PCDH11Y: variants seen among roughly 807,000 people sequenced by gnomAD.
PCDH11Y encodes the protein protocadherin 11 Y-linked.
For synonymous variants in PCDH11Y, 9 were observed against 83.6 expected (o/e 0.11, Z 4.87); for missense variants, 12 against 224.8 (o/e 0.05, Z 6.05).
chrY:5,209,622 G>C, intron 2 of PCDH11Y, among the ~76,000 whole-genome samples: 1 of 33,424 alleles, frequency 3.0e-5, no homozygotes, highest in Non-Finnish European at 7.4e-5. Context: ...TTCCTCTAAG[G>C]ATTGCTTTCC....
intron 2 of PCDH11Y, among the ~76,000 whole-genome samples, chrY:5,292,121 A>C: frequency 6.1e-5 from 2 of 32,608 alleles, no homozygotes; most frequent in Non-Finnish European, 1.5e-4. Flanking sequence ...TGAATGCTCT[A>C]TTTAATATAT....
chrY:5,425,882 T>G (rs954495635), intron 2 of PCDH11Y, among the ~76,000 whole-genome samples: 2,855 of 32,958 alleles, frequency 0.087, no homozygotes, highest in East Asian at 0.062. Context: ...TTTGCATTTT[T>G]TTTTTCCACA....
intron 2 of PCDH11Y, among the ~76,000 whole-genome samples, chrY:5,217,690 G>A (rs2052948155): frequency 3.0e-5 from 1 of 33,642 alleles, no homozygotes; most frequent in African/African-American, 1.2e-4. Flanking sequence ...GATAGCATTG[G>A]CCACACAGGT....
intron 1 of PCDH11Y, among the ~76,000 whole-genome samples, chrY:5,086,987 T>C: frequency 3.0e-5 from 1 of 33,458 alleles, no homozygotes; most frequent in Admixed American, 2.7e-4. Context: ...CATTTCAGGG[T>C]AACAAGGTCT....
intron 2 of PCDH11Y, among the ~76,000 whole-genome samples, chrY:5,356,165 C>T (rs2053165797): frequency 3.0e-5 from 1 of 33,475 alleles, no homozygotes; most frequent in Non-Finnish European, 7.4e-5. Flanking sequence ...TTTATCTCCA[C>T]ACCAACTCAA....
In PCDH11Y at chrY:5,471,534, T is replaced by C. The variant is rs1602930294; in HGVS notation, c.3130-29523T>C. 9.1e-5 allele frequency among the ~76,000 whole-genome samples: 3 copies of C among 32,839 alleles called. No homozygotes were observed. In the East Asian group the frequency reaches 2.4e-3, roughly 27 times the overall value. The allele number at this position is 32,839 out of a possible 37,273, so 88.1% of individuals were successfully genotyped here. The stretch of plus-strand genomic sequence containing the variant: ...AATTAATCTCTCCATCAAGTTTTAC[T>C]GTTAGCATCCTTATTTTCTCACTCT... On this transcript the variant is annotated intron_variant, in intron 2 of 4. Coordinates refer to the PCDH11Y transcript ENST00000400457.
At chrY:5,107,928 G>A (rs1249665348), downstream of PCDH11Y, among the ~76,000 whole-genome samples, 3 of 31,317 alleles carry the variant, frequency 9.6e-5, no homozygotes, top group African/African-American at 3.7e-4. Flanking sequence ...GCGTGGTGGC[G>A]GGCGCCTGTA....
At chrY:5,615,438 G>A in intron 4 of PCDH11Y, among the ~76,000 whole-genome samples, 1 of 34,549 alleles carries the variant, frequency 2.9e-5, no homozygotes, top group Non-Finnish European at 7.2e-5. Context: ...GGAAGTATAA[G>A]AGACAAAATA....
At chrY:5,220,410 C>CT (rs1339840896) in intron 2 of PCDH11Y, among the ~76,000 whole-genome samples, 18 of 13,677 alleles carry the variant, frequency 1.3e-3, no homozygotes, top group East Asian at 3.0e-3. Context: ...GTATTATCTT[C>CT]TTTTTTTTTT....
At chrY:5,577,611 A>C in intron 3 of PCDH11Y, among the ~76,000 whole-genome samples, 1 of 33,348 alleles carries the variant, frequency 3.0e-5, no homozygotes, top group Admixed American at 2.8e-4. Context: ...ATATGGATAG[A>C]AACTTTAATA....
At chrY:5,486,672 CAT>C (rs869150257) in intron 2 of PCDH11Y, among the ~76,000 whole-genome samples, 49 of 3,052 alleles carry the variant, frequency 0.016, no homozygotes, top group South Asian at 0.054. Context: ...TCATTCCATT[CAT>C]ATATATATAT....
At chrY:5,067,191 T>C in intron 1 of PCDH11Y, among the ~76,000 whole-genome samples, 1 of 32,395 alleles carries the variant, frequency 3.1e-5, no homozygotes, top group African/African-American at 1.2e-4. Flanking sequence ...ATGAAAGCAT[T>C]TTCATATAGC....
chrY:5,044,756 G>C, intron 3 of PCDH11Y, among the ~76,000 whole-genome samples: 1 of 32,545 alleles, frequency 3.1e-5, no homozygotes, highest in African/African-American at 1.2e-4. Context: ...AAGTCTCTTT[G>C]TAGGCCACTC....
intron 1 of PCDH11Y, among the ~76,000 whole-genome samples, chrY:5,022,851 T>C: frequency 6.1e-5 from 2 of 33,031 alleles, no homozygotes; most frequent in African/African-American, 2.3e-4. Flanking sequence ...AATGGAGATT[T>C]CTTCAACAGA....
intron 2 of PCDH11Y, among the ~76,000 whole-genome samples, chrY:5,159,274 TCTGGAAGGG>T (rs2052872526): frequency 6.8e-5 from 2 of 29,556 alleles, no homozygotes; most frequent in Non-Finnish European, 1.6e-4. Flanking sequence ...ATTGGTTCAA[TCTGGAAGGG>T]TGGGAAAACT....
chrY:5,289,929 C>A (rs2053065369), intron 2 of PCDH11Y, among the ~76,000 whole-genome samples: 1 of 33,022 alleles, frequency 3.0e-5, no homozygotes, highest in Admixed American at 2.7e-4. Context: ...CTTTGTTATA[C>A]TGCGGATATC....
At chrY:5,739,044 C>G in exon 5 of PCDH11Y, 1 of 31,895 alleles carries the variant, frequency 3.1e-5, no homozygotes, top group African/African-American at 1.2e-4. Context: ...TATTCTAGCT[C>G]AACTTACTGA....
At chrY:5,177,737 G>A (rs2052895266) in intron 2 of PCDH11Y, among the ~76,000 whole-genome samples, 1 of 32,482 alleles carries the variant, frequency 3.1e-5, no homozygotes, top group African/African-American at 1.2e-4. Context: ...TGAGGGAGGT[G>A]GGGGTGGTTA....
intron 2 of PCDH11Y, among the ~76,000 whole-genome samples, chrY:5,237,534 C>G (rs1602890746): frequency 3.1e-5 from 1 of 32,704 alleles, no homozygotes; most frequent in African/African-American, 1.2e-4. Context: ...CCCTCTCTCA[C>G]CACTCCTATT....
Sources: allele counts gnomAD v4.1 joint callset (sites outside exome capture counted in the v4.1 genomes callset), GRCh38; gene constraint gnomAD v4.1.1; transcripts MANE v1.5; gene names NCBI Gene and HGNC (gene_info 2026-07-23, HGNC 2026-07-21).